The following ZNF704 variants were observed in gnomAD, a reference collection of about 807,000 sequenced individuals.
The protein encoded by ZNF704 is zinc finger protein 704, also known as glucocorticoid induced gene 1.
In ZNF704, 10 loss-of-function variants were observed where a neutral mutation model predicts 44.7. The observed-to-expected ratio is 0.22, with a 90% CI of 0.14 to 0.38. The LOEUF is 0.38. ZNF704 is among the 10% of genes least tolerant of loss of function. The pLI, the probability that ZNF704 is intolerant of heterozygous loss-of-function variation, is 1.00. For synonymous variants in ZNF704, 211 were observed against 207.6 expected (o/e 1.02, Z -0.14); for missense variants, 390 against 545.5 (o/e 0.71, Z 2.84).
chr8:80,657,121 T>C (rs1456202011), intron 7 of ZNF704, among the ~76,000 whole-genome samples: 1 of 152,128 alleles, frequency 6.6e-6, no homozygotes, highest in Non-Finnish European at 1.5e-5. Flanking sequence ...TGGGCTGTTA[T>C]GAGAGCTAGC....
chr8:80,774,229 ATTTG>A (rs1042103818), intron 2 of ZNF704, among the ~76,000 whole-genome samples: 22 of 151,348 alleles, frequency 1.5e-4, no homozygotes, highest in African/African-American at 2.7e-4. Context: ...ATGCCTGGCT[ATTTG>A]TTTGTTTGTT....
At chr8:80,798,484 A>G (rs973479579) in intron 2 of ZNF704, among the ~76,000 whole-genome samples, 1 of 152,064 alleles carries the variant, frequency 6.6e-6, no homozygotes, top group Non-Finnish European at 1.5e-5. Flanking sequence ...CGAACTCTCA[A>G]CCTCAGGTGA....
chr8:80,642,640 T>C (rs751765121), intron 8 of ZNF704, among the ~76,000 whole-genome samples: 12 of 152,130 alleles, frequency 7.9e-5, no homozygotes, highest in Non-Finnish European at 1.5e-4. Context: ...CACAGAAAAG[T>C]AAAACTGTGG....
At chr8:80,733,023 C>T (rs1446151007) in intron 2 of ZNF704, among the ~76,000 whole-genome samples, 2 of 150,822 alleles carry the variant, frequency 1.3e-5, no homozygotes, top group Non-Finnish European at 2.9e-5. Context: ...TTAATCTTTC[C>T]TATGAGAAAG....
chr8:80,727,373 A>G (rs1225748682), intron 2 of ZNF704, among the ~76,000 whole-genome samples: 1 of 152,160 alleles, frequency 6.6e-6, no homozygotes, highest in Non-Finnish European at 1.5e-5. Flanking sequence ...GAGATGCAAA[A>G]GAAACAACAG....
intron 7 of ZNF704, chr8:80,645,225 G>C (rs183674744): frequency 1.8e-4 from 271 of 1,531,542 alleles, no homozygotes; most frequent in Non-Finnish European, 2.3e-4. Context: ...CCCGGAAAAA[G>C]AATGTTTCAA....
intron 2 of ZNF704, among the ~76,000 whole-genome samples, chr8:80,719,236 T>TAC (rs1819124254): frequency 6.6e-6 from 1 of 152,166 alleles, no homozygotes; most frequent in Non-Finnish European, 1.5e-5. Context: ...ATGCTGGGAT[T>TAC]ACAGGTGTGA....
intron 5 of ZNF704, among the ~76,000 whole-genome samples, chr8:80,667,954 C>T (rs1437941698): frequency 6.6e-6 from 1 of 152,142 alleles, no homozygotes; most frequent in African/African-American, 2.4e-5. Flanking sequence ...AATATAAACA[C>T]TACGTAAAAT....
intron 2 of ZNF704, among the ~76,000 whole-genome samples, chr8:80,764,882 G>A (rs934461378): frequency 6.6e-6 from 1 of 152,184 alleles, no homozygotes; most frequent in African/African-American, 2.4e-5. Context: ...ATGATATTCA[G>A]CTTCTCCATA....
the ZNF704 span, among the ~76,000 whole-genome samples, chr8:80,880,919 C>T: frequency 6.6e-6 from 1 of 152,138 alleles, no homozygotes; most frequent in Non-Finnish European, 1.5e-5. Flanking sequence ...ATTTGCTTAC[C>T]AGGCTTGTAG....
intron 2 of ZNF704, among the ~76,000 whole-genome samples, chr8:80,815,682 G>C (rs1808166290): frequency 1.3e-5 from 2 of 152,148 alleles, no homozygotes. Flanking sequence ...CCCAGTCTTA[G>C]GTCTGTCATT....
intron 6 of ZNF704, 76 bp downstream of exon 6, chr8:80,664,738 CT>C: frequency 5.7e-6 from 9 of 1,573,364 alleles, no homozygotes; most frequent in Non-Finnish European, 7.8e-6. Context: ...ACTGAGTTGT[CT>C]TTTACTCATA....
chr8:80,669,296 A>G (rs1345019481), intron 5 of ZNF704, among the ~76,000 whole-genome samples: 2 of 152,200 alleles, frequency 1.3e-5, no homozygotes, highest in African/African-American at 4.8e-5. Flanking sequence ...CAGGGGAGAC[A>G]CTGCAGGATT....
At chr8:80,797,935 A>T (rs1489584) in intron 2 of ZNF704, among the ~76,000 whole-genome samples, 152,202 of 152,326 alleles carry the variant, frequency 1, 76,039 homozygotes, top group East Asian at 1. Flanking sequence ...TTTTAAGTCA[A>T]TTTTTCCCTC....
rs1184498716 is a variant in ZNF704, at chr8:80,630,695, G to A, written c.*10671C>T. 2 of 152,066 alleles carry A rather than the reference G, an allele frequency of 1.3e-5. No individual in the cohort carries two copies. Among genetic ancestry groups the A allele is most frequent in the Non-Finnish European group, 2.9e-5 (2 of 68,016 alleles). 9.4% of individuals were successfully genotyped at this position (152,066 alleles called of 1,614,324 possible). A position where few individuals can be genotyped will look rare whatever the true frequency, so the allele number is the denominator to read the frequency against. ...AGTCATGAACCCTTTGGGACCTAGC[G>A]ATTTTTTCTTATCCTGAGTTCTTCT... On this transcript the variant is annotated 3_prime_UTR_variant, in exon 9 of 9. Coordinates refer to ENST00000327835, the MANE Select transcript of ZNF704 (RefSeq NM_001033723.3).
intron 2 of ZNF704, among the ~76,000 whole-genome samples, chr8:80,815,478 GT>G (rs1808162329): frequency 1.3e-5 from 2 of 152,218 alleles, no homozygotes; most frequent in Admixed American, 6.5e-5. Flanking sequence ...AATAACAAAT[GT>G]CAGGCTCTAA....
At chr8:80,642,853 C>CT (rs1817766350) in intron 8 of ZNF704, among the ~76,000 whole-genome samples, 182 bp downstream of exon 8, 1 of 152,054 alleles carries the variant, frequency 6.6e-6, no homozygotes, top group Admixed American at 6.5e-5. Flanking sequence ...CATTACCCCC[C>CT]GAAACAACAA....
At chr8:80,829,136 C>G (rs1808427748) in intron 1 of ZNF704, among the ~76,000 whole-genome samples, 1 of 152,084 alleles carries the variant, frequency 6.6e-6, no homozygotes, top group Non-Finnish European at 1.5e-5. Context: ...TTTAAGTGTT[C>G]ACTGTTTTAA....
chr8:80,659,451 A>C, intron 7 of ZNF704, 134 bp downstream of exon 7: 1 of 756,814 alleles, frequency 1.3e-6, no homozygotes, highest in Non-Finnish European at 2.3e-6. Context: ...GAGTTTACAA[A>C]TATCATTTAA....
Sources: allele counts gnomAD v4.1 joint callset (sites outside exome capture counted in the v4.1 genomes callset), GRCh38; gene constraint gnomAD v4.1.1; transcripts MANE v1.5; gene names NCBI Gene and HGNC (gene_info 2026-07-23, HGNC 2026-07-21).